Variants in CHD7 observed in about 807,000 individuals in gnomAD.
CHD7 encodes the protein chromodomain helicase DNA binding protein 7, also known as ATP-dependent chromatin remodeler CHD7.
In CHD7, 24 loss-of-function variants were observed where a neutral mutation model predicts 307.3. The ratio of observed to expected loss-of-function variants is 0.08; its 90% CI spans 0.06 to 0.11. The LOEUF (loss-of-function observed/expected upper bound fraction) is 0.11. CHD7 is among the 10% of genes least tolerant of loss of function. The probability of loss-of-function intolerance (pLI) is 1.00; values close to 1 mark genes in which losing one functional copy is unlikely to be tolerated. For synonymous variants in CHD7, 1,363 were observed against 1,349.9 expected (o/e 1.01, Z -0.21); for missense variants, 3,106 against 3,727.1 (o/e 0.83, Z 4.34).
chr8:60,803,034 C>A (rs1410480323), intron 6 of CHD7, among the ~76,000 whole-genome samples: 4 of 152,042 alleles, frequency 2.6e-5, no homozygotes, highest in African/African-American at 9.7e-5. Context: ...TGAAGATTTC[C>A]TGATGAATTA....
chr8:60,854,162 T>C (rs1337059011), intron 31 of CHD7, among the ~76,000 whole-genome samples: 1 of 152,222 alleles, frequency 6.6e-6, no homozygotes, highest in Non-Finnish European at 1.5e-5. Context: ...TGTGTCATCA[T>C]CTGCAAGATG....
At chr8:60,767,418 C>G (rs938899605) in intron 2 of CHD7, among the ~76,000 whole-genome samples, 1 of 152,150 alleles carries the variant, frequency 6.6e-6, no homozygotes, top group Non-Finnish European at 1.5e-5. Context: ...GAGGAGATAG[C>G]TATTTAAATT....
chr8:60,816,009 G>A (rs913229215), intron 7 of CHD7, among the ~76,000 whole-genome samples: 1 of 152,136 alleles, frequency 6.6e-6, no homozygotes, highest in African/African-American at 2.4e-5. Context: ...AGGCCTCCCT[G>A]TAGTGCTAAT....
In CHD7 at chr8:60,853,477, C is replaced by A; in HGVS notation, c.6752C>A (p.Ser2251Ter). ...GAAAAGCTGGAGGATGACGATAAGTCGGAAGAGTCTTCCCAGCCCGAAGGT... is the reference window on the plus strand; with the variant it reads ...GAAAAGCTGGAGGATGACGATAAGTAGGAAGAGTCTTCCCAGCCCGAAGGT... ...EEEKLEDDDK[S>*]EESSQPEAGA... Residue 2251 changes from serine to a stop codon, truncating the protein, a stop_gained, in exon 31 of 38, where the codon TCG becomes TAG. Transcript: ENST00000423902. LOFTEE classifies it high-confidence loss of function. The A allele has an allele frequency of 6.6e-7, 1 of 1,514,890 alleles. No individual in the cohort carries two copies. Among genetic ancestry groups the A allele is most frequent in the South Asian group, 1.4e-5 (1 of 72,872 alleles). The allele number at this position is 1,514,890 out of a possible 1,614,324, so 93.8% of individuals were successfully genotyped here.
chr8:60,808,235 G>A lies in CHD7; in HGVS notation c.2461G>A (p.Val821Ile). ...GTTGCAGAAGGAATCTGGAGAGGAG[G>A]TAGAAATTGAGGAATTCTATGTGAA... The part of the protein sequence containing the change: ...VKKQKESGEE[V>I]EIEEFYVKYK... The change falls in exon 7 of 38, where the codon GTA becomes ATA. Residue 821 changes from valine (V) to isoleucine (I), a missense_variant. Coordinates refer to ENST00000423902, the MANE Select transcript of CHD7 (RefSeq NM_017780.4). 1 of 1,597,688 alleles carries A rather than the reference G, an allele frequency of 6.3e-7. No homozygotes were observed. The highest frequency in any genetic ancestry group is 2.2e-5 in the East Asian group (1 of 44,746).
chr8:60,803,496 G>A (rs1812404536), intron 6 of CHD7, among the ~76,000 whole-genome samples: 1 of 152,104 alleles, frequency 6.6e-6, no homozygotes, highest in Admixed American at 6.5e-5. Context: ...GACTGGGTTT[G>A]TCTTATCATA....
intron 3 of CHD7, among the ~76,000 whole-genome samples, chr8:60,791,316 T>G (rs1811761137): frequency 6.6e-6 from 1 of 152,218 alleles, no homozygotes; most frequent in Admixed American, 6.5e-5. Flanking sequence ...CTAGTTATTC[T>G]TCCAACTCAC....
intron 2 of CHD7, among the ~76,000 whole-genome samples, chr8:60,748,904 GTAA>G (rs1024003094): frequency 1.3e-5 from 2 of 150,946 alleles, no homozygotes; most frequent in African/African-American, 4.9e-5. Flanking sequence ...GAGGTGATAG[GTAA>G]TAATTTCCCA....
chr8:60,724,818 A>G (rs561258926), intron 1 of CHD7, among the ~76,000 whole-genome samples: 1 of 152,360 alleles, frequency 6.6e-6, no homozygotes, highest in South Asian at 2.1e-4. Flanking sequence ...AATAAAGGCC[A>G]ATAAAAACTT....
chr8:60,832,213 C>T (rs973909120), intron 15 of CHD7, among the ~76,000 whole-genome samples: 3 of 152,056 alleles, frequency 2.0e-5, no homozygotes, highest in Non-Finnish European at 4.4e-5. Flanking sequence ...TTTGTAGAGA[C>T]GGGGTTTCTC....
intron 1 of CHD7, among the ~76,000 whole-genome samples, chr8:60,710,816 C>T (rs1807250490): frequency 6.6e-6 from 1 of 152,082 alleles, no homozygotes; most frequent in Non-Finnish European, 1.5e-5. Context: ...CTCCTAGTGT[C>T]CTGCGTAAAA....
At chr8:60,806,987 T>A (rs1445224108) in intron 6 of CHD7, among the ~76,000 whole-genome samples, 1 of 152,108 alleles carries the variant, frequency 6.6e-6, no homozygotes, top group Non-Finnish European at 1.5e-5. Flanking sequence ...TTTGCACCAC[T>A]CCACTCAAGC....
In CHD7 at chr8:60,781,300, C is replaced by G; in HGVS notation, c.1966C>G (p.Pro656Ala). The G allele has an allele frequency of 6.4e-7, 1 of 1,565,396 alleles. No individual in the cohort carries two copies. The highest frequency in any genetic ancestry group is 8.7e-7 in the Non-Finnish European group (1 of 1,155,732). Residue 656 changes from proline (P) to alanine (A), a missense_variant, in exon 3 of 38, where the codon CCG becomes GCG. Physicochemically the swap from Pro to Ala is conservative, Grantham distance 27. This residue lies in a region of CHD7 where 998 missense variants were observed against 1,004.5 expected (regional missense o/e 0.99). Transcript: ENST00000423902. Reference protein sequence around the residue: ...RSKAKKDPKEPKEPKEKKEPK... With the variant: ...RSKAKKDPKEAKEPKEKKEPK... ...AAAGGCAAAAAAAGACCCGAAGGAA[C>G]CGAAAGAACCCAAGGAGAAAAAAGA...
chr8:60,798,229 T>G (rs536592842), intron 4 of CHD7, among the ~76,000 whole-genome samples: 2 of 152,334 alleles, frequency 1.3e-5, no homozygotes, highest in African/African-American at 4.8e-5. Context: ...CACCTGGGAT[T>G]GATCTGGGCA....
At chr8:60,811,590 A>G (rs553571073) in intron 7 of CHD7, among the ~76,000 whole-genome samples, 4 of 152,196 alleles carry the variant, frequency 2.6e-5, no homozygotes, top group Non-Finnish European at 5.9e-5. Flanking sequence ...GTGGGTGTGT[A>G]AGTGGCTTCT....
At chr8:60,687,593 G>A (rs983246390) in intron 1 of CHD7, among the ~76,000 whole-genome samples, 1 of 151,968 alleles carries the variant, frequency 6.6e-6, no homozygotes, top group African/African-American at 2.4e-5. Context: ...GTATATGTTG[G>A]GCCAATCAAG....
intron 7 of CHD7, among the ~76,000 whole-genome samples, chr8:60,810,208 G>A (rs1036892984): frequency 2.0e-5 from 3 of 151,896 alleles, no homozygotes; most frequent in Non-Finnish European, 2.9e-5. Context: ...GGCTCATCTC[G>A]TAACTTCCCT....
intron 24 of CHD7, 109 bp from the exon 25 acceptor site, chr8:60,848,942 C>T (rs181037380): frequency 6.7e-6 from 6 of 894,738 alleles, no homozygotes; most frequent in South Asian, 1.4e-5. Context: ...TACCTCCCCA[C>T]CATGCTCAGA....
In CHD7 at chr8:60,742,567, C is replaced by A. The variant is rs2150580201; in HGVS notation, c.1135C>A (p.Gln379Lys). The change falls in exon 2 of 38, where the codon CAA becomes AAA. Residue 379 changes from glutamine (Q) to lysine (K), a missense_variant. By Grantham distance (53) the Gln-to-Lys change is moderately conservative. Around this residue, in one of 10 missense-constraint regions of CHD7, gnomAD observed 998 missense variants for 1,004.5 expected, o/e 0.99. Coordinates refer to ENST00000423902, the MANE Select transcript of CHD7 (RefSeq NM_017780.4). The part of the protein sequence containing the change: ...PSGSLNQMNT[Q>K]TMHPSQPQGT... ...TGGCTCACTTAACCAAATGAACACA[C>A]AAACTATGCATCCTTCACAGCCTCA... 2 of 1,614,014 alleles carry A rather than the reference C, an allele frequency of 1.2e-6. No homozygotes were observed. Among genetic ancestry groups the A allele is most frequent in the East Asian group, 4.5e-5 (2 of 44,888 alleles).
Sources: gnomAD v4.1 joint callset for allele counts (sites outside exome capture counted in the v4.1 genomes callset) on GRCh38, gnomAD v4.1.1 for gene constraint, gnomAD v4.1.1 regional missense constraint, MANE v1.5 for transcripts, NCBI Gene and HGNC (gene_info 2026-07-23, HGNC 2026-07-21) for gene names.